Variants in CRISP3 observed in about 807,000 individuals in gnomAD.
CRISP3 encodes cysteine rich secretory protein 3, also known as cysteine-rich secretory protein 3.
Under a neutral mutation model 36.1 loss-of-function variants are expected in CRISP3, and 33 were observed. The ratio of observed to expected loss-of-function variants is 0.91; its 90% CI spans 0.69 to 1.22. The LOEUF (loss-of-function observed/expected upper bound fraction) is 1.22, where lower values mean the gene tolerates loss of function less well. CRISP3 is among the 50% of genes most tolerant of loss of function. The pLI is 0.00. For missense variants in CRISP3, 330 were observed against 301.2 expected, an observed-to-expected ratio of 1.10 and a Z score of -0.71; for synonymous variants, 117 against 104.6, an observed-to-expected ratio of 1.12 and a Z score of -0.72.
intron 1 of CRISP3, among the ~76,000 whole-genome samples, chr6:49,740,633 A>C (rs1170350160): frequency 9.0e-6 from 1 of 111,446 alleles, no homozygotes; most frequent in African/African-American, 3.6e-5. Context: ...GTGAATGTGA[A>C]GGAGAGGGGA....
At chr6:49,730,555 G>T (rs891753763) in intron 7 of CRISP3, among the ~76,000 whole-genome samples, 2 of 152,076 alleles carry the variant, frequency 1.3e-5, no homozygotes, top group African/African-American at 4.8e-5. Flanking sequence ...GCTGTATTTT[G>T]TATAATGATA....
Position 49,733,263 on chromosome 6 carries a change from T to A in CRISP3, c.492A>T (p.Gly164=), listed in dbSNP as rs528020757. The A allele has an allele frequency of 8.7e-6, 14 of 1,611,384 alleles. No individual in the cohort carries two copies. In the South Asian group the frequency reaches 1.2e-4, roughly 14 times the overall value. ...GATTGGGACAGTAGGCATTTCCACA[T>A]CCAACGAGGTATGAAGAGTACCAAA... ...QVVWYSSYLV[G]CGNAYCPNQK... Residue 164 remains glycine, a synonymous_variant, in exon 6 of 8, where the codon GGA becomes GGT. Coordinates refer to ENST00000263045, the MANE Select transcript of CRISP3 (RefSeq NM_006061.4).
chr6:49,734,218 A>T (rs1369505650), intron 4 of CRISP3, among the ~76,000 whole-genome samples: 4 of 152,210 alleles, frequency 2.6e-5, no homozygotes, highest in South Asian at 2.1e-4. Flanking sequence ...GAAGACAGAG[A>T]TCAACTTAGT....
intron 2 of CRISP3, 103 bp downstream of exon 2, chr6:49,737,222 T>C: frequency 1.2e-6 from 1 of 838,646 alleles, no homozygotes; most frequent in Non-Finnish European, 2.0e-6. Flanking sequence ...CTTTATGATG[T>C]ACCAGACACT....
rs369217541 is a variant in CRISP3, at chr6:49,731,155, A to C, written c.649+8T>G. On this transcript the variant is annotated splice_region_variant and intron_variant, in intron 7 of 7. Transcript: ENST00000263045. ...ATTTTATTATCAAGTTAATCACTTC[A>C]AACTTACTGCATAGTCCATCGTCAC... 101 of 1,570,334 alleles carry C rather than the reference A, an allele frequency of 6.4e-5. No homozygotes were observed. Among genetic ancestry groups the C allele is most frequent in the Non-Finnish European group, 7.8e-5 (90 of 1,151,802 alleles).
chr6:49,741,149 A>T (rs1382491780), intron 1 of CRISP3, among the ~76,000 whole-genome samples: 1 of 69,562 alleles, frequency 1.4e-5, no homozygotes, highest in African/African-American at 5.2e-5. Flanking sequence ...AAAAAAAACC[A>T]CCAAAAAAAA....
In CRISP3 at chr6:49,741,544, C is replaced by T. The variant is rs111941135; in HGVS notation, c.37+2787G>A. 6.4e-3 allele frequency among the ~76,000 whole-genome samples: 953 copies of T among 149,052 alleles called. 6 individuals carry two copies. Among genetic ancestry groups the T allele is most frequent in the African/African-American group, 0.021 (866 of 40,658 alleles). The stretch of plus-strand genomic sequence containing the variant: ...TAGAAAATTCATTGGTAAAATTCAT[C>T]ACATTAACAGACTAAAGCAAAGTAA... On this transcript the variant is annotated intron_variant, in intron 1 of 7. Transcript: ENST00000263045.
chr6:49,735,987 C>T (rs1039187516), intron 3 of CRISP3, among the ~76,000 whole-genome samples: 1 of 151,946 alleles, frequency 6.6e-6, no homozygotes, highest in East Asian at 1.9e-4. Flanking sequence ...TTCCCCCTCA[C>T]TGAATATGTT....
At chr6:49,736,075 G>GA (rs3056362) in intron 3 of CRISP3, among the ~76,000 whole-genome samples, 1 of 151,968 alleles carries the variant, frequency 6.6e-6, no homozygotes, top group Non-Finnish European at 1.5e-5. Flanking sequence ...ATCTTAAAAG[G>GA]AAAAGGTCTT....
In CRISP3 at chr6:49,727,606, G is replaced by A. The variant is rs1768797572; in HGVS notation, c.*1124C>T. ...GTTTTTTCATTACTGATCTTTTTCTGTTCCAGGATCTGATCCAAGAAGCAC... is the reference window on the plus strand; with the variant it reads ...GTTTTTTCATTACTGATCTTTTTCTATTCCAGGATCTGATCCAAGAAGCAC... On this transcript the variant is annotated 3_prime_UTR_variant, in exon 8 of 8. Coordinates refer to ENST00000263045, the MANE Select transcript of CRISP3 (RefSeq NM_006061.4). 1 of 151,962 alleles carries A rather than the reference G, an allele frequency of 6.6e-6. No homozygotes were observed. The highest frequency in any genetic ancestry group is 2.4e-5 in the African/African-American group (1 of 41,372). The allele number at this position is 151,962 out of a possible 1,614,324, so 9.4% of individuals were successfully genotyped here.
chr6:49,736,580 C>T, intron 2 of CRISP3, 73 bp from the exon 3 acceptor site: 1 of 1,078,518 alleles, frequency 9.3e-7, no homozygotes, highest in Non-Finnish European at 1.4e-6. Context: ...TATGTTAGTT[C>T]AAGGGAACAA....
intron 1 of CRISP3, among the ~76,000 whole-genome samples, chr6:49,739,664 T>C (rs562605950): frequency 6.6e-5 from 10 of 151,742 alleles, no homozygotes; most frequent in Non-Finnish European, 1.3e-4. Flanking sequence ...CATCCCCACC[T>C]CTCCTCCCAA....
chr6:49,735,618 C>G, intron 3 of CRISP3, 27 bp from the exon 4 acceptor site: 2 of 1,558,318 alleles, frequency 1.3e-6, no homozygotes, highest in Non-Finnish European at 1.8e-6. Context: ...AAAAAGATAT[C>G]CACTTAATGT....
chr6:49,727,645 C>T lies in CRISP3; in HGVS notation c.*1085G>A, dbSNP rs141953869. On this transcript the variant is annotated 3_prime_UTR_variant, in exon 8 of 8. Coordinates refer to ENST00000263045, the MANE Select transcript of CRISP3 (RefSeq NM_006061.4). The stretch of plus-strand genomic sequence containing the variant: ...TCCAAGAAGCACATTGCATTTGGCT[C>T]ACATGTCTCCTTAGTCTCATGTGGT... The T allele has an allele frequency of 1.3e-5, 2 of 152,188 alleles. No homozygotes were observed. The highest frequency in any genetic ancestry group is 3.9e-4 in the East Asian group (2 of 5,158). 9.4% of individuals were successfully genotyped at this position (152,188 alleles called of 1,614,324 possible). A position where few individuals can be genotyped will look rare whatever the true frequency, so the allele number is the denominator to read the frequency against.
chr6:49,737,283 G>A (rs548466455), intron 2 of CRISP3, 42 bp downstream of exon 2: 21 of 1,537,324 alleles, frequency 1.4e-5, no homozygotes, highest in Admixed American at 1.2e-4. Context: ...CATCCCTCAT[G>A]GTTGCCTGAA....
At chr6:49,736,641 T>C in intron 2 of CRISP3, 134 bp from the exon 3 acceptor site, 1 of 735,110 alleles carries the variant, frequency 1.4e-6, no homozygotes, top group Non-Finnish European at 2.4e-6. Flanking sequence ...TGTCAATGAC[T>C]GCCAAAGCTA....
At chr6:49,742,178 TAAA>T (rs1769222655) in intron 1 of CRISP3, among the ~76,000 whole-genome samples, 1 of 152,080 alleles carries the variant, frequency 6.6e-6, no homozygotes, top group Non-Finnish European at 1.5e-5. Context: ...AAAACTTTAA[TAAA>T]GAACATAGCA....
At chr6:49,730,196 C>A (rs184998996) in intron 7 of CRISP3, among the ~76,000 whole-genome samples, 1 of 152,100 alleles carries the variant, frequency 6.6e-6, no homozygotes. Flanking sequence ...ACAAAAATAT[C>A]ATCTCTTTGT....
chr6:49,738,517 C>G (rs967552812), intron 1 of CRISP3, among the ~76,000 whole-genome samples: 1 of 152,160 alleles, frequency 6.6e-6, no homozygotes, highest in Non-Finnish European at 1.5e-5. Context: ...AGTAGTGACT[C>G]ATCCTACAAA....
Sources: gnomAD v4.1 joint callset for allele counts (sites outside exome capture counted in the v4.1 genomes callset) on GRCh38, gnomAD v4.1.1 for gene constraint, MANE v1.5 for transcripts, NCBI Gene and HGNC (gene_info 2026-07-23, HGNC 2026-07-21) for gene names.